Variants in KCNH5 observed in about 807,000 individuals in gnomAD.
KCNH5 encodes potassium voltage-gated channel subfamily H member 5.
In KCNH5, 46 loss-of-function variants were observed where a neutral mutation model predicts 96.1. The ratio of observed to expected loss-of-function variants is 0.48; its 90% CI spans 0.38 to 0.61. The LOEUF (loss-of-function observed/expected upper bound fraction) is 0.61, where lower values mean the gene tolerates loss of function less well. Ranked by LOEUF, KCNH5 falls within the 20% of genes least tolerant of loss-of-function variation. The probability of loss-of-function intolerance (pLI) is 0.00; values close to 1 mark genes in which losing one functional copy is unlikely to be tolerated. For missense variants in KCNH5, 907 were observed against 1,225.8 expected, an observed-to-expected ratio of 0.74 and a Z score of 3.88; for synonymous variants, 439 against 449.8, an observed-to-expected ratio of 0.98 and a Z score of 0.30.
At chr14:62,945,389 G>A (rs920247457) in intron 7 of KCNH5, among the ~76,000 whole-genome samples, 4 of 152,140 alleles carry the variant, frequency 2.6e-5, no homozygotes, top group South Asian at 2.1e-4. Context: ...TTGCTGGCAC[G>A]TACTTGATCG....
intron 7 of KCNH5, among the ~76,000 whole-genome samples, chr14:62,903,085 T>C (rs1205969583): frequency 6.6e-6 from 1 of 152,192 alleles, no homozygotes; most frequent in Non-Finnish European, 1.5e-5. Context: ...ACAAATTATT[T>C]AAAAATCTGA....
At chr14:62,809,523 A>G (rs2140006234) in intron 8 of KCNH5, among the ~76,000 whole-genome samples, 1 of 152,216 alleles carries the variant, frequency 6.6e-6, no homozygotes, top group East Asian at 1.9e-4. Context: ...GTGGAACCTC[A>G]AAAGGAGAGG....
chr14:62,811,181 G>C (rs1217259701), intron 8 of KCNH5, among the ~76,000 whole-genome samples: 3 of 152,040 alleles, frequency 2.0e-5, no homozygotes, highest in Non-Finnish European at 2.9e-5. Context: ...ATATTCTCAA[G>C]CTCCAAAGAT....
chr14:62,726,974 G>A (rs1241503378), intron 10 of KCNH5, among the ~76,000 whole-genome samples: 1 of 152,142 alleles, frequency 6.6e-6, no homozygotes, highest in Non-Finnish European at 1.5e-5. Context: ...AAATAACATT[G>A]AGTGAAAGGT....
At chr14:62,859,678 A>G (rs1887995954) in intron 7 of KCNH5, among the ~76,000 whole-genome samples, 1 of 152,184 alleles carries the variant, frequency 6.6e-6, no homozygotes, top group Non-Finnish European at 1.5e-5. Context: ...TTCTCCTTCC[A>G]TGCAAAGTGC....
intron 7 of KCNH5, among the ~76,000 whole-genome samples, chr14:62,890,803 C>T (rs1888696372): frequency 6.6e-6 from 1 of 151,806 alleles, no homozygotes; most frequent in Non-Finnish European, 1.5e-5. Flanking sequence ...CTCAGTATCA[C>T]TGATCATTAG....
At position 62,700,041 on chromosome 14, in the gene KCNH5, A is replaced by G. The variant is rs1256245803; in HGVS notation, c.*7467T>C. ...ATATCTCACCAATATGGTTGCAGTG[A>G]CAAAAACATTTAAGAAGTTGCAAAA... On this transcript the variant is annotated 3_prime_UTR_variant, in exon 11 of 11. Coordinates refer to ENST00000322893, the MANE Select transcript of KCNH5 (RefSeq NM_139318.5). 6.6e-6 allele frequency: 1 copy of G among 152,224 alleles called. No homozygotes were observed. The highest frequency in any genetic ancestry group is 1.5e-5 in the Non-Finnish European group (1 of 68,026). The allele number at this position is 152,224 out of a possible 1,614,324, so 9.4% of individuals were successfully genotyped here.
At chr14:62,993,662 A>G (rs769511786) in intron 4 of KCNH5, among the ~76,000 whole-genome samples, 1 of 152,044 alleles carries the variant, frequency 6.6e-6, no homozygotes, top group Non-Finnish European at 1.5e-5. Flanking sequence ...TACCTATATT[A>G]GTTCATTTGA....
chr14:62,949,235 T>C (rs1200859520), intron 7 of KCNH5, among the ~76,000 whole-genome samples: 1 of 152,250 alleles, frequency 6.6e-6, no homozygotes, highest in Admixed American at 6.5e-5. Context: ...TGTTTGCAGA[T>C]GACATGATTG....
chr14:62,787,141 T>C (rs1254768088), intron 9 of KCNH5, among the ~76,000 whole-genome samples: 4 of 152,176 alleles, frequency 2.6e-5, no homozygotes, highest in Non-Finnish European at 5.9e-5. Flanking sequence ...ACCAAACAGC[T>C]AGCCAAGTTG....
chr14:62,835,449 C>T (rs1188962588), intron 8 of KCNH5, among the ~76,000 whole-genome samples: 1 of 151,942 alleles, frequency 6.6e-6, no homozygotes, highest in Non-Finnish European at 1.5e-5. Context: ...AAGTACACAT[C>T]TAAGTTCATG....
chr14:62,998,293 T>C (rs1405567399), intron 4 of KCNH5, among the ~76,000 whole-genome samples: 1 of 152,206 alleles, frequency 6.6e-6, no homozygotes, highest in Non-Finnish European at 1.5e-5. Context: ...TTTACTCTGC[T>C]TGAATGTCCA....
At chr14:62,985,494 T>C (rs1890687163) in intron 5 of KCNH5, among the ~76,000 whole-genome samples, 1 of 152,214 alleles carries the variant, frequency 6.6e-6, no homozygotes, top group Admixed American at 6.5e-5. Context: ...ATGGATTTTA[T>C]CTTTCTCTTT....
chr14:62,774,132 A>G (rs1278728564), intron 10 of KCNH5, among the ~76,000 whole-genome samples: 1 of 152,222 alleles, frequency 6.6e-6, no homozygotes. Flanking sequence ...GCATGGGCAA[A>G]GTCTGGGGGA....
chr14:62,850,643 T>G (rs1453955477), intron 7 of KCNH5, among the ~76,000 whole-genome samples: 1 of 152,130 alleles, frequency 6.6e-6, no homozygotes, highest in East Asian at 1.9e-4. Context: ...CAACTCTTCT[T>G]TCTCCAGACC....
chr14:62,853,460 T>TATATATATATACATATATATATATATATC (rs1555360139), intron 7 of KCNH5, among the ~76,000 whole-genome samples: 1 of 89,576 alleles, frequency 1.1e-5, no homozygotes, highest in African/African-American at 3.9e-5. Context: ...AATAATCATA[T>TATATATATATACATATATATATATATATC]ATATATATAT....
At chr14:62,822,101 A>G (rs906976102) in intron 8 of KCNH5, among the ~76,000 whole-genome samples, 6 of 152,170 alleles carry the variant, frequency 3.9e-5, no homozygotes, top group Non-Finnish European at 5.9e-5. Context: ...TAAAAATTAC[A>G]TTTGATGAAA....
chr14:63,028,746 G>A (rs17100645), intron 1 of KCNH5, among the ~76,000 whole-genome samples: 36,189 of 151,882 alleles, frequency 0.24, 5,526 homozygotes, highest in East Asian at 0.51. Flanking sequence ...ACAGAAGTTA[G>A]AATCAAAAGT....
At chr14:62,753,474 A>G (rs191417675) in intron 10 of KCNH5, among the ~76,000 whole-genome samples, 13 of 152,314 alleles carry the variant, frequency 8.5e-5, no homozygotes, top group Middle Eastern at 3.4e-3. Context: ...AGATACCAAT[A>G]TTCAAGTACA....
Sources: gnomAD v4.1 joint callset for allele counts (sites outside exome capture counted in the v4.1 genomes callset) on GRCh38, gnomAD v4.1.1 for gene constraint, MANE v1.5 for transcripts, NCBI Gene and HGNC (gene_info 2026-07-23, HGNC 2026-07-21) for gene names.